UNC13C: variants seen among roughly 807,000 people sequenced by gnomAD.
The protein encoded by UNC13C is protein unc-13 homolog C.
In UNC13C, 174 loss-of-function variants were observed where a neutral mutation model predicts 245.4. The observed-to-expected ratio is 0.71, with a 90% CI of 0.63 to 0.80. UNC13C has a LOEUF of 0.80. UNC13C is among the 30% of genes least tolerant of loss of function. The pLI is 0.00. For synonymous variants in UNC13C, 992 were observed against 895.1 expected, an observed-to-expected ratio of 1.11 and a Z score of -1.93; for missense variants, 2,829 against 2,602.9, an observed-to-expected ratio of 1.09 and a Z score of -1.89.
chr15:54,603,680 G>A (rs555732455), intron 30 of UNC13C, among the ~76,000 whole-genome samples: 49 of 152,036 alleles, frequency 3.2e-4, no homozygotes, highest in Non-Finnish European at 6.0e-4. Flanking sequence ...TGGGCAACAT[G>A]GTGAAACCCC....
At chr15:54,308,021 C>T (rs1485485017) in intron 13 of UNC13C, among the ~76,000 whole-genome samples, 1 of 151,922 alleles carries the variant, frequency 6.6e-6, no homozygotes, top group Admixed American at 6.6e-5. Context: ...CATAGTATCT[C>T]TGAAATTGCT....
At chr15:54,597,982 T>A (rs1370797022) in intron 30 of UNC13C, among the ~76,000 whole-genome samples, 1 of 152,208 alleles carries the variant, frequency 6.6e-6, no homozygotes, top group Non-Finnish European at 1.5e-5. Context: ...AGCAAAGGAA[T>A]ATGATGCCTA....
chr15:54,617,152 TAAGTGACATGTGACTGTAGAGTTTAGTG>T (rs1297242667), intron 30 of UNC13C, among the ~76,000 whole-genome samples: 61 of 152,126 alleles, frequency 4.0e-4, no homozygotes, highest in African/African-American at 1.5e-3. Context: ...TGCCCGTCAT[TAAGTGACATGTGACTGTAGAGTTTAGTG>T]AAGTGAAAAT....
At chr15:53,896,707 G>A in the UNC13C span, among the ~76,000 whole-genome samples, 1 of 152,102 alleles carries the variant, frequency 6.6e-6, no homozygotes, top group Non-Finnish European at 1.5e-5. Context: ...CCCTAAAGAT[G>A]TAAGGAGTGC....
intron 1 of UNC13C, among the ~76,000 whole-genome samples, chr15:54,004,870 G>A (rs775942033): frequency 2.0e-5 from 3 of 152,154 alleles, no homozygotes; most frequent in Non-Finnish European, 4.4e-5. Flanking sequence ...TTTTCTTCCT[G>A]TAGAGTTGTT....
intron 2 of UNC13C, among the ~76,000 whole-genome samples, chr15:54,112,496 C>T (rs1475815231): frequency 1.3e-5 from 2 of 152,106 alleles, no homozygotes; most frequent in South Asian, 2.1e-4. Flanking sequence ...TTCTACCTGG[C>T]CAGCGCCATG....
At chr15:54,090,446 C>T (rs1899503831) in intron 2 of UNC13C, among the ~76,000 whole-genome samples, 1 of 152,158 alleles carries the variant, frequency 6.6e-6, no homozygotes, top group Non-Finnish European at 1.5e-5. Context: ...TATATTTGCT[C>T]ATAATCCTCA....
chr15:54,525,367 G>C (rs1264936641), intron 24 of UNC13C, among the ~76,000 whole-genome samples, 182 bp from the exon 25 acceptor site: 1 of 150,116 alleles, frequency 6.7e-6, no homozygotes, highest in Non-Finnish European at 1.5e-5. Context: ...AGAACCCCTT[G>C]GTTTCTTTAA....
At chr15:54,131,140 ATG>A (rs573635920) in intron 2 of UNC13C, among the ~76,000 whole-genome samples, 344 of 152,314 alleles carry the variant, frequency 2.3e-3, no homozygotes, top group Non-Finnish European at 4.1e-3. Flanking sequence ...GAGCTTAGAT[ATG>A]TTTTAAAGTT....
chr15:54,578,131 G>C (rs1252972200), intron 30 of UNC13C, among the ~76,000 whole-genome samples: 1 of 152,192 alleles, frequency 6.6e-6, no homozygotes, highest in East Asian at 1.9e-4. Context: ...ATCAGATTAA[G>C]ACAACTGGGA....
At position 54,295,680 on chromosome 15, in the gene UNC13C, C is replaced by CAA. The variant is rs34686235; in HGVS notation, c.3988+1620_3988+1621dup. Among the ~76,000 whole-genome samples, 388 of 149,536 alleles carry CAA rather than the reference C, an allele frequency of 2.6e-3. 13 individuals carry two copies. The East Asian group carries it at 0.059, about 23-fold the overall frequency. ...AAAAATAAATACATAAGAAGAAGAA[C>CAA]AAAAAGAAAAACCATGTACCAGACT... On this transcript the variant is annotated intron_variant, in intron 11 of 32. Transcript: ENST00000260323.
intron 2 of UNC13C, among the ~76,000 whole-genome samples, chr15:54,128,084 T>G (rs35817567): frequency 0.38 from 58,302 of 151,804 alleles, 11,356 homozygotes; most frequent in African/African-American, 0.42. Flanking sequence ...GGATATAAAA[T>G]CAGTAAAAAT....
chr15:54,215,860 C>T (rs563280392), intron 4 of UNC13C, among the ~76,000 whole-genome samples: 1 of 152,112 alleles, frequency 6.6e-6, no homozygotes, highest in Non-Finnish European at 1.5e-5. Context: ...GACTAGTCTT[C>T]TTAAAACATC....
intron 17 of UNC13C, among the ~76,000 whole-genome samples, chr15:54,371,922 A>G (rs2039495337): frequency 6.6e-6 from 1 of 152,162 alleles, no homozygotes; most frequent in Non-Finnish European, 1.5e-5. Flanking sequence ...GAGTAAAGTG[A>G]TGGTAGCCAG....
At chr15:54,613,354 C>G (rs978119830) in intron 30 of UNC13C, among the ~76,000 whole-genome samples, 2 of 151,690 alleles carry the variant, frequency 1.3e-5, no homozygotes, top group African/African-American at 4.8e-5. Context: ...AATTGTGTTG[C>G]TATTATTTAC....
At chr15:54,018,985 G>A (rs918328551) in intron 2 of UNC13C, among the ~76,000 whole-genome samples, 11 of 152,092 alleles carry the variant, frequency 7.2e-5, no homozygotes, top group African/African-American at 2.4e-4. Flanking sequence ...TAATCGCTAA[G>A]ACTATGACTT....
the UNC13C span, among the ~76,000 whole-genome samples, chr15:53,927,463 A>G: frequency 6.6e-6 from 1 of 152,240 alleles, no homozygotes; most frequent in Non-Finnish European, 1.5e-5. Flanking sequence ...ATTGATAGCA[A>G]CTGGCATGGA....
At chr15:54,235,810 A>G (rs948140211) in intron 5 of UNC13C, among the ~76,000 whole-genome samples, 13 of 152,214 alleles carry the variant, frequency 8.5e-5, no homozygotes, top group African/African-American at 1.7e-4. Context: ...AGATTGCGCC[A>G]CTGCACTCCA....
chr15:54,487,748 C>A (rs1596467506), intron 19 of UNC13C, among the ~76,000 whole-genome samples: 2 of 93,690 alleles, frequency 2.1e-5, no homozygotes, highest in Admixed American at 1.7e-4. Context: ...GCCTGGGCAA[C>A]AGAGCAAGAT....
Sources: allele counts gnomAD v4.1 joint callset (sites outside exome capture counted in the v4.1 genomes callset), GRCh38; gene constraint gnomAD v4.1.1; transcripts MANE v1.5; gene names NCBI Gene and HGNC (gene_info 2026-07-23, HGNC 2026-07-21).